Variants in ARFGEF3 observed in about 807,000 individuals in gnomAD.
The protein encoded by ARFGEF3 is brefeldin A-inhibited guanine nucleotide-exchange protein 3.
ARFGEF3 carries 96 observed loss-of-function variants against 221.7 expected under a neutral mutation model. That is an observed-to-expected ratio of 0.43 (90% CI 0.37 to 0.51). ARFGEF3 has a LOEUF of 0.51. Among genes scored for constraint, ARFGEF3 ranks in the 20% least tolerant of loss-of-function variants. ARFGEF3 has a pLI of 0.00. For synonymous variants in ARFGEF3, 1,145 were observed against 1,126.8 expected, an observed-to-expected ratio of 1.02 and a Z score of -0.32; for missense variants, 2,410 against 2,789.9, an observed-to-expected ratio of 0.86 and a Z score of 3.07.
intron 8 of ARFGEF3, among the ~76,000 whole-genome samples, chr6:138,250,730 G>T (rs143766966): frequency 0.014 from 2,090 of 152,314 alleles, 33 homozygotes; most frequent in Middle Eastern, 0.054. Context: ...TCCACAGATC[G>T]TGCACCTGGG....
intron 12 of ARFGEF3, among the ~76,000 whole-genome samples, chr6:138,271,847 A>G (rs186074467): frequency 4.6e-4 from 70 of 152,208 alleles, no homozygotes; most frequent in African/African-American, 1.7e-3. Flanking sequence ...AATGTACTCA[A>G]TTTCTCCTTT....
intron 2 of ARFGEF3, among the ~76,000 whole-genome samples, chr6:138,178,722 A>G (rs1777004770): frequency 6.6e-6 from 1 of 152,160 alleles, no homozygotes; most frequent in African/African-American, 2.4e-5. Flanking sequence ...ATGTCCCAGA[A>G]AGCCACTGCC....
At chr6:138,288,170 G>A (rs191200503) in intron 17 of ARFGEF3, among the ~76,000 whole-genome samples, 5 of 152,298 alleles carry the variant, frequency 3.3e-5, no homozygotes, top group Non-Finnish European at 5.9e-5. Context: ...GATCACTTGA[G>A]CCCAGGAGTT....
intron 4 of ARFGEF3, among the ~76,000 whole-genome samples, chr6:138,212,778 A>G (rs1486940386): frequency 2.0e-5 from 3 of 152,218 alleles, no homozygotes; most frequent in Non-Finnish European, 4.4e-5. Flanking sequence ...TCACAAGGAC[A>G]GAAAACCAAA....
In ARFGEF3 at chr6:138,323,782, C is replaced by T. The variant is rs1051522509; in HGVS notation, c.4869+9C>T. On this transcript the variant is annotated intron_variant, in intron 30 of 33. Coordinates refer to ENST00000251691, the MANE Select transcript of ARFGEF3 (RefSeq NM_020340.5). ...CACTCAAGCCAGTGAAGGTACATCACTGGGAGGAAGCCCTCCCTGGCACAG... is the reference window on the plus strand; with the variant it reads ...CACTCAAGCCAGTGAAGGTACATCATTGGGAGGAAGCCCTCCCTGGCACAG... 6.2e-7 allele frequency: 1 copy of T among 1,613,282 alleles called. No homozygotes were observed. Among genetic ancestry groups the T allele is most frequent in the Non-Finnish European group, 8.5e-7 (1 of 1,179,286 alleles).
At chr6:138,282,110 A>G (rs1779205911) in intron 14 of ARFGEF3, among the ~76,000 whole-genome samples, 2 of 152,158 alleles carry the variant, frequency 1.3e-5, no homozygotes, top group South Asian at 4.1e-4. Flanking sequence ...GCCCACCACC[A>G]TGCCCGGCTA....
intron 21 of ARFGEF3, among the ~76,000 whole-genome samples, chr6:138,298,077 G>A (rs1048485251): frequency 6.6e-6 from 1 of 152,164 alleles, no homozygotes; most frequent in African/African-American, 2.4e-5. Context: ...CATGATGTTT[G>A]CTTGTGTTCC....
chr6:138,265,879 A>G (rs1778883230), intron 12 of ARFGEF3, among the ~76,000 whole-genome samples: 1 of 151,994 alleles, frequency 6.6e-6, no homozygotes, highest in African/African-American at 2.4e-5. Flanking sequence ...AGCTGAGACT[A>G]TACGCACCAC....
Position 138,341,712 on chromosome 6 carries a change from T to C in ARFGEF3, c.*5226T>C, listed in dbSNP as rs191535686. ...GTTTGGAAGATCCTCTTTCCCTGGC[T>C]GTATTGTAGTGTTTGCTATTTGATG... On this transcript the variant is annotated 3_prime_UTR_variant, in exon 34 of 34. Coordinates refer to ENST00000251691, the MANE Select transcript of ARFGEF3 (RefSeq NM_020340.5). 84 of 152,366 alleles carry C rather than the reference T, an allele frequency of 5.5e-4. No individual in the cohort carries two copies. Among genetic ancestry groups the C allele is most frequent in the African/African-American group, 1.9e-3 (81 of 41,594 alleles). The allele number at this position is 152,366 out of a possible 1,614,324, so 9.4% of individuals were successfully genotyped here.
At chr6:138,319,930 C>A in intron 28 of ARFGEF3, 51 bp downstream of exon 28, 1 of 1,508,576 alleles carries the variant, frequency 6.6e-7, no homozygotes, top group South Asian at 1.2e-5. Context: ...TGGTAGACAG[C>A]ACCGTCAGCT....
At position 138,341,933 on chromosome 6, in the gene ARFGEF3, C is replaced by T. The variant is rs1336695764; in HGVS notation, c.*5447C>T. ...ACCATACAGAACCTTTTCTCTGTAT[C>T]TTTGTACAATACTACAAAGGGGTAC... is the stretch of plus-strand genomic sequence containing the variant. On this transcript the variant is annotated 3_prime_UTR_variant, in exon 34 of 34. Coordinates refer to ENST00000251691, the MANE Select transcript of ARFGEF3 (RefSeq NM_020340.5). The T allele has an allele frequency of 4.6e-5, 7 of 152,172 alleles. No homozygotes were observed. The highest frequency in any genetic ancestry group is 1.7e-4 in the African/African-American group (7 of 41,436). The allele number at this position is 152,172 out of a possible 1,614,324, so 9.4% of individuals were successfully genotyped here.
intron 4 of ARFGEF3, among the ~76,000 whole-genome samples, chr6:138,221,958 G>A (rs760352635): frequency 6.6e-6 from 1 of 152,218 alleles, no homozygotes; most frequent in Non-Finnish European, 1.5e-5. Flanking sequence ...AATAGTGGTA[G>A]ATGTTTTATG....
intron 2 of ARFGEF3, among the ~76,000 whole-genome samples, chr6:138,181,257 G>T (rs904795278): frequency 6.6e-6 from 1 of 152,138 alleles, no homozygotes; most frequent in Admixed American, 6.5e-5. Flanking sequence ...AGGGGATGTT[G>T]ACTTGAGTGA....
Position 138,263,553 on chromosome 6 carries a change from C to T in ARFGEF3, c.2070C>T (p.Leu690=). 1 of 1,612,808 alleles carries T rather than the reference C, an allele frequency of 6.2e-7. No individual in the cohort carries two copies. The highest frequency in any genetic ancestry group is 8.5e-7 in the Non-Finnish European group (1 of 1,179,784). Reference sequence around the variant, plus strand: ...GCCTCCTCCCTCGGCTCCTGTCTCTCTCCAATGTAGAGGAGGTGGACACCG... The same window carrying T: ...GCCTCCTCCCTCGGCTCCTGTCTCTTTCCAATGTAGAGGAGGTGGACACCG... ...LEGLLPRLLS[L]SNVEEVDTAL... is the part of the protein sequence containing the mutation. The change falls in exon 12 of 34, where the codon CTC becomes CTT. Residue 690 remains leucine (L), a synonymous_variant. Transcript: ENST00000251691.
chr6:138,218,288 T>G, intron 4 of ARFGEF3: 1 of 1,593,126 alleles, frequency 6.3e-7, no homozygotes, highest in Non-Finnish European at 8.6e-7. Flanking sequence ...CTAGAATGCC[T>G]GGTAGCCTTG....
chr6:138,327,522 T>C (rs528224475), intron 31 of ARFGEF3, among the ~76,000 whole-genome samples: 3 of 152,274 alleles, frequency 2.0e-5, no homozygotes, highest in African/African-American at 4.8e-5. Flanking sequence ...AGAAAATCAT[T>C]TGGGTCAGAG....
rs1236618023 is a variant in ARFGEF3 at position 138,344,036 on chromosome 6, C to CA, written c.*7552dup. 6.6e-6 allele frequency: 1 copy of CA among 152,122 alleles called. No individual in the cohort carries two copies. Among genetic ancestry groups the CA allele is most frequent in the Non-Finnish European group, 1.5e-5 (1 of 68,032 alleles). The allele number at this position is 152,122 out of a possible 1,614,324, so 9.4% of individuals were successfully genotyped here. On this transcript the variant is annotated 3_prime_UTR_variant, in exon 34 of 34. Coordinates refer to ENST00000251691, the MANE Select transcript of ARFGEF3 (RefSeq NM_020340.5). ...CTAATCATGCTAAGAGACTATTATT[C>CA]AATATGCTTTTCCCGCTTTTCTAAG... is the stretch of plus-strand genomic sequence containing the variant.
At chr6:138,185,269 A>G (rs1777160371) in intron 2 of ARFGEF3, among the ~76,000 whole-genome samples, 1 of 152,204 alleles carries the variant, frequency 6.6e-6, no homozygotes, top group African/African-American at 2.4e-5. Context: ...AAGCTGACAC[A>G]TGGTGGATCT....
chr6:138,186,215 C>T (rs1295206510), intron 2 of ARFGEF3, among the ~76,000 whole-genome samples: 3 of 152,158 alleles, frequency 2.0e-5, no homozygotes, highest in African/African-American at 4.8e-5. Context: ...AATATTGGCT[C>T]TTCTCTGGAA....
Sources: gnomAD v4.1 joint callset for allele counts (sites outside exome capture counted in the v4.1 genomes callset) on GRCh38, gnomAD v4.1.1 for gene constraint, MANE v1.5 for transcripts, NCBI Gene and HGNC (gene_info 2026-07-23, HGNC 2026-07-21) for gene names.